TMEM230: variants seen among roughly 807,000 people sequenced by gnomAD.
The protein encoded by TMEM230 is transmembrane protein 230.
In TMEM230, 10 loss-of-function variants were observed where a neutral mutation model predicts 15.8. The ratio of observed to expected loss-of-function variants is 0.63; its 90% confidence interval spans 0.39 to 1.07. The LOEUF is 1.07. TMEM230 is among the 50% of genes least tolerant of loss of function. TMEM230 has a pLI of 0.01. For missense variants in TMEM230, 165 were observed against 193.3 expected (o/e 0.85, Z 0.87); for synonymous variants, 67 against 76.9 (o/e 0.87, Z 0.68).
intron 3 of TMEM230, among the ~76,000 whole-genome samples, chr20:5,079,835 A>AC (rs1243399454): frequency 6.6e-6 from 1 of 151,514 alleles, no homozygotes; most frequent in African/African-American, 2.4e-5. Context: ...GCTCACTGCA[A>AC]CCTCTGCCTC....
rs773770647 is a variant in TMEM230, at chr20:5,109,343, T to G, written c.277A>C (p.Ile93Leu). The G allele has an allele frequency of 1.2e-6, 2 of 1,612,182 alleles. No homozygotes were observed. Among genetic ancestry groups the G allele is most frequent in the Non-Finnish European group, 1.7e-6 (2 of 1,179,484 alleles). The change falls in exon 3 of 5, where the codon ATT becomes CTT. Residue 93 changes from isoleucine to leucine, a missense_variant. Coordinates refer to ENST00000342308, the MANE Select transcript of TMEM230 (RefSeq NM_001009923.2). ...TCTTCTGCATTTACCTGAAGGTCAA[T>G]GTAGCCATCGTCTGTGCTGGAGAGC...
chr20:5,060,170 C>T, the TMEM230 span, among the ~76,000 whole-genome samples: 3 of 152,162 alleles, frequency 2.0e-5, no homozygotes, highest in Non-Finnish European at 2.9e-5. Context: ...CCTTGGCCTC[C>T]CACAATGCTG....
At chr20:5,104,043 C>T (rs925704714) in intron 4 of TMEM230, among the ~76,000 whole-genome samples, 1 of 152,000 alleles carries the variant, frequency 6.6e-6, no homozygotes, top group African/African-American at 2.4e-5. Flanking sequence ...GAATTAATAA[C>T]CAGAATATAT....
intron 3 of TMEM230, among the ~76,000 whole-genome samples, chr20:5,079,694 G>A (rs764184246): frequency 6.6e-6 from 1 of 151,924 alleles, no homozygotes; most frequent in African/African-American, 2.4e-5. Context: ...GGTCACTCAC[G>A]ACTGAAATTC....
chr20:5,088,572 G>C (rs1421076587), intron 3 of TMEM230, among the ~76,000 whole-genome samples: 2 of 151,862 alleles, frequency 1.3e-5, no homozygotes, highest in Non-Finnish European at 2.9e-5. Flanking sequence ...GAGTGCGGTA[G>C]CATGATCACA....
chr20:5,110,270 G>C (rs1436520567), intron 2 of TMEM230, among the ~76,000 whole-genome samples: 2 of 151,710 alleles, frequency 1.3e-5, no homozygotes, highest in Non-Finnish European at 2.9e-5. Flanking sequence ...ATGGTGGCCG[G>C]GCTGGTCTTG....
chr20:5,072,289 C>A (rs932725190), intron 3 of TMEM230, among the ~76,000 whole-genome samples: 3 of 151,968 alleles, frequency 2.0e-5, no homozygotes, highest in Non-Finnish European at 4.4e-5. Flanking sequence ...TGGCCTCAAG[C>A]GATCTTCCCA....
chr20:5,087,106 G>A (rs2089364958), intron 3 of TMEM230, among the ~76,000 whole-genome samples: 1 of 151,982 alleles, frequency 6.6e-6, no homozygotes, highest in Non-Finnish European at 1.5e-5. Flanking sequence ...ACTCACAGAT[G>A]CAAGCAATCC....
chr20:5,087,918 C>G (rs751963592), intron 3 of TMEM230, among the ~76,000 whole-genome samples: 55 of 148,666 alleles, frequency 3.7e-4, no homozygotes, highest in Non-Finnish European at 6.6e-4. Flanking sequence ...GTCTCAAACT[C>G]CTGGCCTCAA....
downstream of TMEM230, among the ~76,000 whole-genome samples, chr20:5,067,762 C>CTTTT (rs3056049): frequency 2.9e-5 from 4 of 135,764 alleles, no homozygotes; most frequent in Admixed American, 7.5e-5. Context: ...CCCCCCTCTG[C>CTTTT]TTTTTTTTTT....
rs71868595 is a variant in TMEM230 at position 5,106,076 on chromosome 20, CAA to C, written c.411+110_411+111del. On this transcript the variant is annotated intron_variant, in intron 4 of 4. Transcript: ENST00000342308. The stretch of plus-strand genomic sequence containing the variant: ...AAAAAAAACAGACCACTGGGACGGA[CAA>C]ACACACACACACACACACACACACA... 64,782 of 409,770 alleles carry C rather than the reference CAA, an allele frequency of 0.16. 5,301 individuals carry two copies. The highest frequency in any genetic ancestry group is 0.39 in the African/African-American group (3,730 of 9,578). The allele number at this position is 409,770 out of a possible 1,614,324, so 25.4% of individuals were successfully genotyped here.
At chr20:5,095,311 G>C (rs1445457521), downstream of TMEM230, among the ~76,000 whole-genome samples, 2 of 152,192 alleles carry the variant, frequency 1.3e-5, no homozygotes, top group Non-Finnish European at 2.9e-5. Flanking sequence ...CACAGAAATC[G>C]AAAGAAAACC....
At chr20:5,063,813 G>A (rs1395386405), downstream of TMEM230, among the ~76,000 whole-genome samples, 2 of 54,644 alleles carry the variant, frequency 3.7e-5, no homozygotes, top group Admixed American at 3.6e-4. Flanking sequence ...TTGTTAACTT[G>A]GAAAAATTTC....
intron 3 of TMEM230, among the ~76,000 whole-genome samples, chr20:5,107,074 G>A (rs1054236986): frequency 1.3e-5 from 2 of 152,192 alleles, no homozygotes; most frequent in Middle Eastern, 3.2e-3. Context: ...GGCTGAGGCA[G>A]GCGGATCACT....
chr20:5,066,718 T>C (rs2088659262), downstream of TMEM230, among the ~76,000 whole-genome samples: 3 of 148,354 alleles, frequency 2.0e-5, no homozygotes, highest in South Asian at 6.4e-4. Flanking sequence ...CCAAGGACCC[T>C]CCTCCTGGTT....
chr20:5,110,055 T>C (rs1348584738), intron 2 of TMEM230, among the ~76,000 whole-genome samples: 1 of 152,140 alleles, frequency 6.6e-6, no homozygotes, highest in African/African-American at 2.4e-5. Context: ...TTTGTTGTTG[T>C]TGTTTGTTTG....
At chr20:5,059,406 T>C in the TMEM230 span, among the ~76,000 whole-genome samples, 58,452 of 151,484 alleles carry the variant, frequency 0.39, 11,513 homozygotes, top group African/African-American at 0.42. Context: ...ATGTTGTATA[T>C]AGTACCTAGA....
chr20:5,108,255 A>G (rs2050407427), intron 3 of TMEM230, among the ~76,000 whole-genome samples: 1 of 152,062 alleles, frequency 6.6e-6, no homozygotes, highest in Non-Finnish European at 1.5e-5. Flanking sequence ...CACTGTCTCT[A>G]CTAAAAATAC....
chr20:5,083,464 T>C (rs1173798683), intron 3 of TMEM230, among the ~76,000 whole-genome samples: 3 of 152,074 alleles, frequency 2.0e-5, no homozygotes, highest in Non-Finnish European at 4.4e-5. Context: ...TCTGATGGTT[T>C]TTTGGCTTCT....
Sources: allele counts gnomAD v4.1 joint callset (sites outside exome capture counted in the v4.1 genomes callset), GRCh38; gene constraint gnomAD v4.1.1; transcripts MANE v1.5; gene names NCBI Gene and HGNC (gene_info 2026-07-23, HGNC 2026-07-21).